The following DOCK4 variants were observed in gnomAD, a reference collection of about 807,000 sequenced individuals.
DOCK4 encodes the protein dedicator of cytokinesis protein 4.
In DOCK4, 97 loss-of-function variants were observed where a neutral mutation model predicts 268.1. That is an observed-to-expected ratio of 0.36 (90% confidence interval 0.31 to 0.43). The LOEUF (loss-of-function observed/expected upper bound fraction) is 0.43, where lower values mean the gene tolerates loss of function less well. DOCK4 is among the 20% of genes least tolerant of loss of function. The pLI is 1.00. For missense variants in DOCK4, 2,145 were observed against 2,455.7 expected (o/e 0.87, Z 2.67); for synonymous variants, 954 against 887.2 (o/e 1.08, Z -1.34).
intron 8 of DOCK4, among the ~76,000 whole-genome samples, chr7:111,952,843 T>G (rs1473379359): frequency 2.0e-5 from 3 of 152,238 alleles, no homozygotes; most frequent in African/African-American, 4.8e-5. Context: ...ACTGTCATTT[T>G]TTTTATACTC....
At chr7:111,861,498 G>A (rs866089198) in intron 23 of DOCK4, among the ~76,000 whole-genome samples, 1 of 152,090 alleles carries the variant, frequency 6.6e-6, no homozygotes, top group Non-Finnish European at 1.5e-5. Flanking sequence ...TGTAATCCTA[G>A]CCCTTTGGGA....
chr7:112,170,260 G>A (rs142225835), intron 1 of DOCK4, among the ~76,000 whole-genome samples: 11 of 152,030 alleles, frequency 7.2e-5, no homozygotes, highest in Non-Finnish European at 1.6e-4. Context: ...AAATCAGCCT[G>A]GGCAATATGG....
chr7:112,039,311 T>C (rs551665175), intron 1 of DOCK4, among the ~76,000 whole-genome samples: 2 of 147,428 alleles, frequency 1.4e-5, no homozygotes, highest in South Asian at 2.2e-4. Context: ...GCTGATAACA[T>C]TGAATTACCA....
At chr7:112,154,220 C>T (rs1261837095) in intron 1 of DOCK4, among the ~76,000 whole-genome samples, 1 of 152,150 alleles carries the variant, frequency 6.6e-6, no homozygotes, top group Non-Finnish European at 1.5e-5. Context: ...AATCCTCCCA[C>T]CTCGGCCTCC....
chr7:112,183,430 C>A (rs768347690), intron 1 of DOCK4, among the ~76,000 whole-genome samples: 1 of 152,222 alleles, frequency 6.6e-6, no homozygotes, highest in Non-Finnish European at 1.5e-5. Flanking sequence ...CCAGGCTTTA[C>A]TGATGGCCTG....
chr7:111,755,306 C>G (rs1472844896), intron 42 of DOCK4, among the ~76,000 whole-genome samples: 2 of 152,108 alleles, frequency 1.3e-5, no homozygotes, highest in African/African-American at 4.8e-5. Flanking sequence ...GAGTTGTTTT[C>G]AAGGAATCCC....
At chr7:112,085,377 G>GA (rs919826976) in intron 1 of DOCK4, among the ~76,000 whole-genome samples, 8 of 151,758 alleles carry the variant, frequency 5.3e-5, no homozygotes, top group Non-Finnish European at 8.8e-5. Context: ...AATTTAAGAG[G>GA]AAAAAAATGC....
At chr7:111,789,593 A>G (rs1799394904) in intron 31 of DOCK4, among the ~76,000 whole-genome samples, 1 of 152,208 alleles carries the variant, frequency 6.6e-6, no homozygotes, top group African/African-American at 2.4e-5. Context: ...CCTAAGTACA[A>G]TTTTTAAATA....
At position 112,062,354 on chromosome 7, in the gene DOCK4, T is replaced by A. The variant is rs115878208; in HGVS notation, c.38-58223A>T. On this transcript the variant is annotated intron_variant, in intron 1 of 52. Coordinates refer to ENST00000428084, the MANE Select transcript of DOCK4 (RefSeq NM_001363540.2). ...ATATAAGTCATGGAGTGGGAAAAAG[T>A]ACTCCGAACATTAATAAGACAATTC... 2.4e-3 allele frequency among the ~76,000 whole-genome samples: 361 copies of A among 152,310 alleles called. 3 individuals are homozygous for A. Among genetic ancestry groups the A allele is most frequent in the African/African-American group, 8.2e-3 (341 of 41,566 alleles).
chr7:111,740,728 C>CAAAAAAA (rs1795850424), intron 47 of DOCK4, among the ~76,000 whole-genome samples: 1 of 13,760 alleles, frequency 7.3e-5, no homozygotes, highest in East Asian at 2.2e-3. Flanking sequence ...GTGAGACTCG[C>CAAAAAAA]TAAAAAAAAA....
intron 1 of DOCK4, among the ~76,000 whole-genome samples, chr7:112,053,804 T>C (rs940741564): frequency 2.0e-5 from 3 of 152,182 alleles, no homozygotes; most frequent in African/African-American, 7.2e-5. Flanking sequence ...CAGCTAATCA[T>C]ATGCGCTGGG....
At chr7:112,197,408 T>C (rs994415580) in intron 1 of DOCK4, among the ~76,000 whole-genome samples, 1 of 152,210 alleles carries the variant, frequency 6.6e-6, no homozygotes, top group Non-Finnish European at 1.5e-5. Flanking sequence ...ATAAATCTTG[T>C]TCATTGAAAT....
chr7:112,085,578 T>TA (rs1415908363), intron 1 of DOCK4, among the ~76,000 whole-genome samples: 2 of 152,224 alleles, frequency 1.3e-5, no homozygotes, highest in East Asian at 3.9e-4. Context: ...GGTAATCAAG[T>TA]AGCAGATGGG....
Position 111,854,191 on chromosome 7 carries a change from C to T in DOCK4, c.2474-7065G>A, listed in dbSNP as rs1002027043. ...GAAAGAAGAAATGAAAATTAAAAGG[C>T]AGAAATGAAATTCACAGGCAGACAG... On this transcript the variant is annotated intron_variant, in intron 23 of 52. Coordinates refer to ENST00000428084, the MANE Select transcript of DOCK4 (RefSeq NM_001363540.2). Among the ~76,000 whole-genome samples, 6 of 152,162 alleles carry T rather than the reference C, an allele frequency of 3.9e-5. No individual in the cohort carries two copies. The South Asian group carries it at 1.0e-3, about 26-fold the overall frequency.
At chr7:112,046,246 A>G (rs17159201) in intron 1 of DOCK4, among the ~76,000 whole-genome samples, 23,114 of 152,122 alleles carry the variant, frequency 0.15, 5,599 homozygotes, top group African/African-American at 0.51. Flanking sequence ...TAATCAACCA[A>G]ATTTATACAA....
chr7:111,924,900 G>A (rs776045061), intron 12 of DOCK4, among the ~76,000 whole-genome samples: 2 of 152,176 alleles, frequency 1.3e-5, no homozygotes, highest in African/African-American at 2.4e-5. Context: ...ACTATTTCTT[G>A]ACAGTACTTG....
intron 1 of DOCK4, among the ~76,000 whole-genome samples, chr7:112,017,339 G>C (rs1801897043): frequency 6.6e-6 from 1 of 152,230 alleles, no homozygotes; most frequent in Non-Finnish European, 1.5e-5. Flanking sequence ...AAGTTGGCTA[G>C]TTGGAATCAG....
chr7:111,927,193 G>A (rs909768089), intron 12 of DOCK4, among the ~76,000 whole-genome samples: 20 of 152,152 alleles, frequency 1.3e-4, no homozygotes, highest in Non-Finnish European at 2.5e-4. Flanking sequence ...CTTCTAATAT[G>A]CAAAAGGTAT....
chr7:111,736,550 G>A (rs1003183088), intron 50 of DOCK4, among the ~76,000 whole-genome samples: 6 of 152,018 alleles, frequency 3.9e-5, no homozygotes, highest in East Asian at 1.9e-4. Flanking sequence ...TAAGGGAGAC[G>A]AAGGATGGGA....
Sources: gnomAD v4.1 joint callset for allele counts (sites outside exome capture counted in the v4.1 genomes callset) on GRCh38, gnomAD v4.1.1 for gene constraint, MANE v1.5 for transcripts, NCBI Gene and HGNC (gene_info 2026-07-23, HGNC 2026-07-21) for gene names.